Variants in DOCK10 observed in about 807,000 individuals in gnomAD.
DOCK10 encodes dedicator of cytokinesis 10, also known as dedicator of cytokinesis protein 10.
Under a neutral mutation model 280.1 loss-of-function variants are expected in DOCK10, and 145 were observed. The ratio of observed to expected loss-of-function variants is 0.52; its 90% CI spans 0.45 to 0.59. The LOEUF (loss-of-function observed/expected upper bound fraction) is 0.59, where lower values mean the gene tolerates loss of function less well. Ranked by LOEUF, DOCK10 falls within the 20% of genes least tolerant of loss-of-function variation. The probability of loss-of-function intolerance (pLI) is 0.00; values close to 1 mark genes in which losing one functional copy is unlikely to be tolerated. For missense variants in DOCK10, 2,368 were observed against 2,651.7 expected (o/e 0.89, Z 2.35); for synonymous variants, 915 against 942.2 (o/e 0.97, Z 0.53).
chr2:225,027,218 C>T (rs745570418), intron 1 of DOCK10, among the ~76,000 whole-genome samples: 4 of 152,148 alleles, frequency 2.6e-5, no homozygotes, highest in Non-Finnish European at 2.9e-5. Context: ...CGCCTGCACA[C>T]CCAGACCAGG....
chr2:224,772,483 G>A (rs1224212928), intron 53 of DOCK10, among the ~76,000 whole-genome samples: 3 of 152,158 alleles, frequency 2.0e-5, no homozygotes, highest in Admixed American at 6.5e-5. Context: ...CCTCCCTATC[G>A]CTAGCTGAAG....
At chr2:224,855,066 C>CACAT (rs1177049004) in intron 15 of DOCK10, 24 bp from the exon 16 acceptor site, 5 of 808,260 alleles carry the variant, frequency 6.2e-6, no homozygotes, top group Non-Finnish European at 7.4e-6. Context: ...TGAGCAAGGA[C>CACAT]ACACACACAC....
chr2:224,783,689 C>T (rs891647222), intron 50 of DOCK10, among the ~76,000 whole-genome samples: 1 of 151,980 alleles, frequency 6.6e-6, no homozygotes, highest in Non-Finnish European at 1.5e-5. Flanking sequence ...AGGTCATTTG[C>T]AAGGGCTCCC....
At chr2:225,011,502 G>A (rs762107545) in intron 1 of DOCK10, among the ~76,000 whole-genome samples, 1 of 152,214 alleles carries the variant, frequency 6.6e-6, no homozygotes, top group Non-Finnish European at 1.5e-5. Flanking sequence ...AAGGTAAAGA[G>A]AGGCCTGCAG....
intron 1 of DOCK10, among the ~76,000 whole-genome samples, chr2:224,987,346 C>T (rs969439895): frequency 2.1e-4 from 32 of 152,200 alleles, no homozygotes; most frequent in African/African-American, 6.8e-4. Context: ...CCATTGCTCA[C>T]AACAGGGCCC....
At chr2:224,809,393 C>T (rs1364091708) in intron 31 of DOCK10, among the ~76,000 whole-genome samples, 1 of 151,976 alleles carries the variant, frequency 6.6e-6, no homozygotes, top group Non-Finnish European at 1.5e-5. Flanking sequence ...AAGCAATCAA[C>T]AAAATGAAAA....
chr2:225,039,553 A>C (rs1690358793), intron 1 of DOCK10, among the ~76,000 whole-genome samples: 1 of 152,242 alleles, frequency 6.6e-6, no homozygotes, highest in East Asian at 1.9e-4. Flanking sequence ...ACTGACATCA[A>C]ATTTGCTTTG....
chr2:224,927,445 G>A (rs1270546224), intron 2 of DOCK10, among the ~76,000 whole-genome samples: 3 of 152,202 alleles, frequency 2.0e-5, no homozygotes, highest in African/African-American at 4.8e-5. Flanking sequence ...AAGAAAGCAG[G>A]AGGACCAGTT....
intron 3 of DOCK10, among the ~76,000 whole-genome samples, chr2:224,912,354 C>T (rs1456535103): frequency 6.6e-6 from 1 of 151,984 alleles, no homozygotes; most frequent in South Asian, 2.1e-4. Flanking sequence ...AGGCTGGTCT[C>T]AAACTCCTGA....
intron 4 of DOCK10, among the ~76,000 whole-genome samples, chr2:224,894,274 A>G (rs79685419): frequency 6.6e-6 from 1 of 152,228 alleles, no homozygotes; most frequent in South Asian, 2.1e-4. Flanking sequence ...TAACAGAGGA[A>G]GAATACTGTG....
At chr2:224,851,668 T>A (rs1002371974) in intron 18 of DOCK10, among the ~76,000 whole-genome samples, 2 of 152,100 alleles carry the variant, frequency 1.3e-5, no homozygotes, top group Admixed American at 1.3e-4. Flanking sequence ...TTCCTTTGAT[T>A]TGCCGAAGCT....
At chr2:224,792,332 G>A (rs1008685610) in intron 47 of DOCK10, among the ~76,000 whole-genome samples, 2 of 151,998 alleles carry the variant, frequency 1.3e-5, no homozygotes, top group African/African-American at 2.4e-5. Context: ...TGCCCAGGCT[G>A]GTGTACAGTG....
At chr2:224,954,007 G>A (rs1401174142) in intron 1 of DOCK10, among the ~76,000 whole-genome samples, 1 of 152,024 alleles carries the variant, frequency 6.6e-6, no homozygotes, top group African/African-American at 2.4e-5. Flanking sequence ...TGTCTGTACA[G>A]GTATATAGGC....
At position 224,853,107 on chromosome 2, in the gene DOCK10, G is replaced by A. The variant is rs934203378; in HGVS notation, c.1904C>T (p.Ser635Phe). The A allele has an allele frequency of 3.1e-6, 5 of 1,596,312 alleles. No homozygotes were observed. The highest frequency in any genetic ancestry group is 4.3e-6 in the Non-Finnish European group (5 of 1,170,506). Residue 635 changes from serine to phenylalanine, a missense_variant, in exon 17 of 56, where the codon TCC becomes TTC. By Grantham distance (155) the Ser-to-Phe change is radical. This residue lies in a region of DOCK10 where 1,209 missense variants were observed against 1,250.9 expected (regional missense o/e 0.97). Transcript: ENST00000258390. The part of the protein sequence containing the change: ...PLEHPNCVTS[S>F]FIPVKPFNMM... ...GTTGAAAGGCTTGACAGGGATAAAG[G>A]ACGATGTTACACAATCTTAAAAAAT...
intron 1 of DOCK10, among the ~76,000 whole-genome samples, chr2:224,987,953 TA>T: frequency 6.6e-6 from 1 of 152,316 alleles, no homozygotes; most frequent in South Asian, 2.1e-4. Context: ...CTAACCTCTC[TA>T]AGCCTCAATA....
At chr2:224,909,175 G>A (rs1006453948) in intron 3 of DOCK10, among the ~76,000 whole-genome samples, 2 of 152,116 alleles carry the variant, frequency 1.3e-5, no homozygotes, top group Non-Finnish European at 1.5e-5. Flanking sequence ...TAAAAGCTTC[G>A]TTATAGAAGT....
chr2:224,828,978 C>T (rs1449046051), intron 27 of DOCK10, among the ~76,000 whole-genome samples: 4 of 152,194 alleles, frequency 2.6e-5, no homozygotes, highest in African/African-American at 9.7e-5. Context: ...ATCTGGTACA[C>T]ATTGACTGAA....
chr2:224,883,637 T>C (rs1389828977), intron 7 of DOCK10, among the ~76,000 whole-genome samples: 1 of 152,200 alleles, frequency 6.6e-6, no homozygotes, highest in Non-Finnish European at 1.5e-5. Flanking sequence ...GGGTAGTAAA[T>C]GGTAAAACTA....
At chr2:225,038,053 T>G (rs1226448541) in intron 1 of DOCK10, among the ~76,000 whole-genome samples, 1 of 152,120 alleles carries the variant, frequency 6.6e-6, no homozygotes, top group Non-Finnish European at 1.5e-5. Flanking sequence ...TAAACACCCT[T>G]GTCATAAAGG....
Sources: allele counts gnomAD v4.1 joint callset (sites outside exome capture counted in the v4.1 genomes callset), GRCh38; gene constraint gnomAD v4.1.1; regional missense constraint gnomAD v4.1.1; transcripts MANE v1.5; gene names NCBI Gene and HGNC (gene_info 2026-07-23, HGNC 2026-07-21).